MICU1: variants seen among roughly 807,000 people sequenced by gnomAD.
MICU1 encodes calcium uptake protein 1, mitochondrial.
In MICU1, 45 loss-of-function variants were observed where a neutral mutation model predicts 56.8. The observed-to-expected ratio is 0.79, with a 90% CI of 0.62 to 1.02. The LOEUF is 1.02. Ranked by LOEUF, MICU1 falls within the 50% of genes least tolerant of loss-of-function variation. MICU1 has a pLI of 0.00. For synonymous variants in MICU1, 186 were observed against 195.1 expected, an observed-to-expected ratio of 0.95 and a Z score of 0.39; for missense variants, 504 against 587.1, an observed-to-expected ratio of 0.86 and a Z score of 1.46.
intron 1 of MICU1, among the ~76,000 whole-genome samples, chr10:72,615,060 C>T (rs1841943626): frequency 6.6e-6 from 1 of 151,846 alleles, no homozygotes; most frequent in South Asian, 2.1e-4. Context: ...ATTTTTCATA[C>T]TGCGGATTTG....
rs55978543 is a variant in MICU1 at position 72,474,258 on chromosome 10, C to CAAAAAAAAAAAAA, written c.933+829_933+841dup. On this transcript the variant is annotated intron_variant, in intron 8 of 11. Coordinates refer to ENST00000361114, the MANE Select transcript of MICU1 (RefSeq NM_001195518.2). The stretch of plus-strand genomic sequence containing the variant: ...CCTGGCTGATGGAGTAGGACTGTCT[C>CAAAAAAAAAAAAA]AAAAAAAAAAAAAAAAAAAAAAAAA... Among the ~76,000 whole-genome samples the CAAAAAAAAAAAAA allele has an allele frequency of 2.5e-4, 15 of 60,734 alleles. 1 individual carries two copies. The highest frequency in any genetic ancestry group is 5.9e-4 in the Admixed American group (2 of 3,380). 39.8% of individuals were successfully genotyped at this position (60,734 alleles called of 152,430 possible). A position where few individuals can be genotyped will look rare whatever the true frequency, so the allele number is the denominator to read the frequency against.
chr10:72,408,109 T>C lies in MICU1; in HGVS notation c.1072-72A>G. ...GCAGCACGATATGCATAGGCAGTGA[T>C]TCACATCTGCAAATCAGAAATTCAT... On this transcript the variant is annotated intron_variant, in intron 9 of 11. Transcript: ENST00000361114. 5 of 855,890 alleles carry C rather than the reference T, an allele frequency of 5.8e-6. 1 individual carries two copies. The highest frequency in any genetic ancestry group is 9.5e-6 in the Non-Finnish European group (5 of 525,032). 53.0% of individuals were successfully genotyped at this position (855,890 alleles called of 1,614,324 possible). A position where few individuals can be genotyped will look rare whatever the true frequency, so the allele number is the denominator to read the frequency against.
intron 6 of MICU1, among the ~76,000 whole-genome samples, chr10:72,502,339 G>A (rs1589284645): frequency 6.6e-6 from 1 of 151,810 alleles, no homozygotes; most frequent in East Asian, 1.9e-4. Context: ...ATTTTTTAGT[G>A]GAGATGGGGT....
At chr10:72,438,342 G>A (rs1002928156) in intron 8 of MICU1, among the ~76,000 whole-genome samples, 2 of 152,178 alleles carry the variant, frequency 1.3e-5, no homozygotes, top group Non-Finnish European at 2.9e-5. Flanking sequence ...GATGTTCTTT[G>A]AAACCAATGA....
chr10:72,609,183 A>G (rs1185201215), intron 1 of MICU1, among the ~76,000 whole-genome samples: 1 of 152,212 alleles, frequency 6.6e-6, no homozygotes, highest in African/African-American at 2.4e-5. Flanking sequence ...CAGAGACAGA[A>G]AGTAGACTAA....
chr10:72,527,501 T>C (rs891273919), intron 5 of MICU1, among the ~76,000 whole-genome samples: 2 of 152,082 alleles, frequency 1.3e-5, no homozygotes, highest in African/African-American at 4.8e-5. Flanking sequence ...TAGCTGAAAC[T>C]ATAGGCATGC....
chr10:72,547,617 C>T (rs1399749542), intron 4 of MICU1, among the ~76,000 whole-genome samples: 10 of 151,738 alleles, frequency 6.6e-5, no homozygotes, highest in African/African-American at 2.4e-4. Flanking sequence ...TTTCAACATT[C>T]ACAGAGTTAA....
intron 4 of MICU1, among the ~76,000 whole-genome samples, chr10:72,545,087 T>C (rs1205549869): frequency 6.6e-6 from 1 of 152,190 alleles, no homozygotes; most frequent in Non-Finnish European, 1.5e-5. Context: ...AAATTCAAAC[T>C]ACAAAAAATC....
At chr10:72,523,052 G>A (rs1867869285) in intron 5 of MICU1, among the ~76,000 whole-genome samples, 1 of 152,186 alleles carries the variant, frequency 6.6e-6, no homozygotes, top group Non-Finnish European at 1.5e-5. Flanking sequence ...ACCTAGTGTG[G>A]TTGACTACTT....
At chr10:72,433,034 T>C (rs1864594299) in intron 8 of MICU1, among the ~76,000 whole-genome samples, 1 of 152,100 alleles carries the variant, frequency 6.6e-6, no homozygotes, top group Non-Finnish European at 1.5e-5. Flanking sequence ...GCCTCCCAGG[T>C]TCAAGTGATT....
intron 6 of MICU1, among the ~76,000 whole-genome samples, chr10:72,495,426 C>T (rs1290351443): frequency 1.3e-5 from 2 of 152,106 alleles, no homozygotes; most frequent in Non-Finnish European, 1.5e-5. Context: ...GAGCCCAAGG[C>T]GGATGGATCA....
chr10:72,575,251 C>G (rs1213044486), intron 1 of MICU1, among the ~76,000 whole-genome samples: 2 of 152,144 alleles, frequency 1.3e-5, no homozygotes, highest in African/African-American at 4.8e-5. Context: ...CTGTCTGTGG[C>G]CTTCCTGGCC....
intron 8 of MICU1, among the ~76,000 whole-genome samples, chr10:72,435,902 G>A (rs577555216): frequency 5.9e-4 from 90 of 152,350 alleles, no homozygotes; most frequent in Non-Finnish European, 1.0e-3. Context: ...TGAACTGGGC[G>A]AAGCCCACCC....
intron 8 of MICU1, among the ~76,000 whole-genome samples, chr10:72,453,128 C>G: frequency 6.6e-6 from 1 of 152,136 alleles, no homozygotes; most frequent in East Asian, 1.9e-4. Flanking sequence ...AGTCTACTCA[C>G]CAGATCAAGC....
chr10:72,524,073 T>A, intron 5 of MICU1: 1 of 918,314 alleles, frequency 1.1e-6, no homozygotes, highest in Non-Finnish European at 1.4e-6. Flanking sequence ...TACTGTTGTC[T>A]CATCAGTCCT....
intron 1 of MICU1, among the ~76,000 whole-genome samples, chr10:72,592,314 CCT>C (rs1448053589): frequency 1.3e-5 from 2 of 151,752 alleles, no homozygotes; most frequent in Admixed American, 6.6e-5. Flanking sequence ...AGCCTGAGAC[CCT>C]GTTTCAAGGA....
intron 6 of MICU1, among the ~76,000 whole-genome samples, chr10:72,493,957 A>C (rs1228449100): frequency 6.6e-6 from 1 of 152,196 alleles, no homozygotes; most frequent in East Asian, 1.9e-4. Context: ...GGTCAATTCC[A>C]ATAGTTAATC....
At chr10:72,621,575 T>C (rs1373719665) in intron 1 of MICU1, among the ~76,000 whole-genome samples, 2 of 152,172 alleles carry the variant, frequency 1.3e-5, no homozygotes, top group African/African-American at 2.4e-5. Context: ...AAGAACCAAG[T>C]ATTTAATCAT....
intron 11 of MICU1, among the ~76,000 whole-genome samples, chr10:72,372,716 C>T (rs2132032168): frequency 6.6e-6 from 1 of 151,882 alleles, no homozygotes; most frequent in African/African-American, 2.4e-5. Context: ...ATGGTGGGCG[C>T]CTGTGATCCC....
Sources: gnomAD v4.1 joint callset for allele counts (sites outside exome capture counted in the v4.1 genomes callset) on GRCh38, gnomAD v4.1.1 for gene constraint, MANE v1.5 for transcripts, NCBI Gene and HGNC (gene_info 2026-07-23, HGNC 2026-07-21) for gene names.